ZNF469: variants seen among roughly 807,000 people sequenced by gnomAD.
ZNF469 encodes the protein zinc finger protein 469.
Under a neutral mutation model 1.0 loss-of-function variants are expected in ZNF469, and 1 was observed. That is an observed-to-expected ratio of 1.00 (90% confidence interval 0.35 to 4.73). The LOEUF (loss-of-function observed/expected upper bound fraction) is 4.73. Ranked by LOEUF, ZNF469 falls within the 30% of genes most tolerant of loss-of-function variation. The pLI is 0.16. For synonymous variants in ZNF469, 2,703 were observed against 2,363.4 expected, an observed-to-expected ratio of 1.14 and a Z score of -4.17; for missense variants, 6,100 against 5,356.3, an observed-to-expected ratio of 1.14 and a Z score of -4.33.
the ZNF469 span, among the ~76,000 whole-genome samples, chr16:88,197,082 G>A: frequency 1.3e-5 from 2 of 152,230 alleles, no homozygotes; most frequent in African/African-American, 4.8e-5. Context: ...GCTTCTGGCT[G>A]GCGCTCACTT....
At chr16:88,232,943 G>T in the ZNF469 span, among the ~76,000 whole-genome samples, 1 of 152,222 alleles carries the variant, frequency 6.6e-6, no homozygotes, top group African/African-American at 2.4e-5. Flanking sequence ...CGCCTAGCAG[G>T]CCTGCATGGC....
At chr16:88,300,288 C>T in the ZNF469 span, among the ~76,000 whole-genome samples, 1 of 152,144 alleles carries the variant, frequency 6.6e-6, no homozygotes. Flanking sequence ...GGGAGGTGGC[C>T]ATGGATGGAG....
the ZNF469 span, among the ~76,000 whole-genome samples, chr16:88,207,885 C>T: frequency 6.6e-6 from 1 of 152,100 alleles, no homozygotes; most frequent in African/African-American, 2.4e-5. Context: ...AGTCCCCTTT[C>T]CATATGAAGA....
At chr16:88,133,344 G>T in the ZNF469 span, among the ~76,000 whole-genome samples, 4,360 of 150,734 alleles carry the variant, frequency 0.029, no homozygotes, top group African/African-American at 0.1. Flanking sequence ...AACGTCTTTT[G>T]CACAGAGGAT....
chr16:88,180,084 TC>T, the ZNF469 span, among the ~76,000 whole-genome samples: 1 of 152,164 alleles, frequency 6.6e-6, no homozygotes, highest in Admixed American at 6.5e-5. Context: ...GAGTAGCCAT[TC>T]TTTTATTCCT....
chr16:88,237,865 C>G, the ZNF469 span, among the ~76,000 whole-genome samples: 6 of 152,286 alleles, frequency 3.9e-5, no homozygotes, highest in South Asian at 1.0e-3. Flanking sequence ...AGCTGCTGAT[C>G]TTTCTTGTTT....
chr16:88,118,424 A>G, the ZNF469 span, among the ~76,000 whole-genome samples: 1 of 152,202 alleles, frequency 6.6e-6, no homozygotes, highest in Non-Finnish European at 1.5e-5. Flanking sequence ...AAGGAGGCAC[A>G]AGAGTCTCAG....
Position 88,430,974 on chromosome 16 carries a change from C to T in ZNF469, c.3504C>T (p.Ser1168=), listed in dbSNP as rs533300920. 373 of 1,538,060 alleles carry T rather than the reference C, an allele frequency of 2.4e-4. 2 individuals are homozygous for T. The African/African-American group carries it at 4.6e-3, about 19-fold the overall frequency. The change falls in exon 3 of 3, where the codon AGC becomes AGT. Residue 1168 remains serine, a synonymous_variant. Transcript: ENST00000565624. Reference sequence around the variant, plus strand: ...GGTCTCGCCCGGGCCCCGGCAGGAGCCCTCAGGCCCGTGGCCCGTCTCGAA... The same window carrying T: ...GGTCTCGCCCGGGCCCCGGCAGGAGTCCTCAGGCCCGTGGCCCGTCTCGAA... ...PGGSRPGPGR[S]PQARGPSRSL... is the part of the protein sequence containing the mutation.
the ZNF469 span, among the ~76,000 whole-genome samples, chr16:88,222,988 A>G: frequency 6.6e-6 from 1 of 152,246 alleles, no homozygotes; most frequent in Non-Finnish European, 1.5e-5. Flanking sequence ...GATTTGTAAA[A>G]GAGGGTTGAA....
the ZNF469 span, among the ~76,000 whole-genome samples, chr16:88,369,758 G>A: frequency 3.3e-5 from 5 of 152,126 alleles, no homozygotes; most frequent in African/African-American, 1.2e-4. Context: ...AATAACGAGG[G>A]GCCACGGTGA....
chr16:88,122,781 G>A, the ZNF469 span, among the ~76,000 whole-genome samples: 6 of 132,238 alleles, frequency 4.5e-5, no homozygotes, highest in South Asian at 2.6e-4. Flanking sequence ...AGCTCTGTGT[G>A]TATATATATG....
In ZNF469 at chr16:88,432,839, C is replaced by G; in HGVS notation, c.5369C>G (p.Ala1790Gly). 2 of 1,550,142 alleles carry G rather than the reference C, an allele frequency of 1.3e-6. No individual in the cohort carries two copies. Among genetic ancestry groups the G allele is most frequent in the Non-Finnish European group, 1.7e-6 (2 of 1,146,898 alleles). Residue 1790 changes from alanine to glycine, a missense_variant, in exon 3 of 3, where the codon GCC becomes GGC. Transcript: ENST00000565624. ...PGTADQPHRG[A>G]PAPEAFGSPA... ...ACAGCAGACCAGCCCCACCGAGGGG[C>G]CCCTGCTCCAGAAGCTTTTGGCAGC... is the stretch of plus-strand genomic sequence containing the variant.
chr16:88,438,753 A>G lies in ZNF469; in HGVS notation c.11283A>G (p.Thr3761=), dbSNP rs1906786970. The G allele has an allele frequency of 6.5e-7, 1 of 1,549,900 alleles. No individual in the cohort carries two copies. Among genetic ancestry groups the G allele is most frequent in the African/African-American group, 1.4e-5 (1 of 72,990 alleles). The change falls in exon 3 of 3, where the codon ACA becomes ACG. Residue 3761 remains threonine, a synonymous_variant. Transcript: ENST00000565624. ...CCAGCGGGCAGCTCCAGAGCGAGAC[A>G]GCCACCACCCCAGCCAAGCCCAGCT... is the stretch of plus-strand genomic sequence containing the variant. ...QPASGQLQSE[T]ATTPAKPSFP...
chr16:88,118,196 G>C, the ZNF469 span, among the ~76,000 whole-genome samples: 2 of 152,236 alleles, frequency 1.3e-5, no homozygotes, highest in African/African-American at 4.8e-5. Context: ...GCCCGTCTCA[G>C]CCTCCCAAAG....
chr16:88,439,153 T>C lies in ZNF469; in HGVS notation c.11683T>C (p.Phe3895Leu). Residue 3895 changes from phenylalanine (F) to leucine (L), a missense_variant, in exon 3 of 3, where the codon TTC becomes CTC. Transcript: ENST00000565624. ...GAGGAAGGACAGACTGGGCAAGGCC[T>C]TCCCCCAGGGGAGACCCCTGCTCAG... ...TQRKDRLGKA[F>L]PQGRPLLRPP... is the part of the protein sequence containing the mutation. The C allele has an allele frequency of 6.4e-7, 1 of 1,550,606 alleles. No homozygotes were observed. Among genetic ancestry groups the C allele is most frequent in the Non-Finnish European group, 8.7e-7 (1 of 1,146,968 alleles).
the ZNF469 span, among the ~76,000 whole-genome samples, chr16:88,154,772 G>A: frequency 2.0e-5 from 3 of 152,334 alleles, no homozygotes; most frequent in Non-Finnish European, 1.5e-5. Flanking sequence ...GCAGCTGCCC[G>A]TGCCATCGAG....
the ZNF469 span, among the ~76,000 whole-genome samples, chr16:88,280,012 A>C: frequency 6.6e-6 from 1 of 151,394 alleles, no homozygotes; most frequent in Non-Finnish European, 1.5e-5. Flanking sequence ...GTGCTGTGCC[A>C]TGCTGACACT....
chr16:88,260,372 C>G, the ZNF469 span, among the ~76,000 whole-genome samples: 2 of 152,188 alleles, frequency 1.3e-5, no homozygotes, highest in African/African-American at 4.8e-5. This position sits in a 1 kb window ranked among gnomAD's most constrained non-coding sequence, Gnocchi z 4.1. Flanking sequence ...CAGCCTAAGG[C>G]CTTGGACTGA....
rs777399076 is a variant in ZNF469 at position 88,435,341 on chromosome 16, C to T, written c.7871C>T (p.Pro2624Leu). The T allele has an allele frequency of 7.1e-6, 11 of 1,550,208 alleles. No individual in the cohort carries two copies. The African/African-American group carries it at 9.6e-5, about 14-fold the overall frequency. ...RWRREPTVDSPSHSEGKSNKK... is the reference protein window; with the variant it reads ...RWRREPTVDSLSHSEGKSNKK... ...CGCCGAGAGCCCACCGTGGACTCTC[C>T]TAGCCACTCAGAGGGGAAGTCAAAT... Residue 2624 changes from proline to leucine, a missense_variant, in exon 3 of 3, where the codon CCT becomes CTT. Pro to Leu is a moderately conservative substitution (Grantham distance 98). Transcript: ENST00000565624.
Sources: gnomAD v4.1 joint callset for allele counts (sites outside exome capture counted in the v4.1 genomes callset) on GRCh38, gnomAD v4.1.1 for gene constraint, Gnocchi (gnomAD v3.1) non-coding constraint, MANE v1.5 for transcripts, NCBI Gene and HGNC (gene_info 2026-07-23, HGNC 2026-07-21) for gene names.